CTBP2: variants seen among roughly 807,000 people sequenced by gnomAD.
CTBP2 encodes the protein C-terminal binding protein 2, also known as C-terminal-binding protein 2.
A neutral mutation model predicts 80.3 loss-of-function variants in CTBP2; 30 were observed. That is an observed-to-expected ratio of 0.37 (90% confidence interval 0.28 to 0.51). The LOEUF is 0.51. Among genes scored for constraint, CTBP2 ranks in the 20% least tolerant of loss-of-function variants. The probability of loss-of-function intolerance (pLI) is 0.93; values close to 1 mark genes in which losing one functional copy is unlikely to be tolerated. For missense variants in CTBP2, 1,212 were observed against 1,375.3 expected (o/e 0.88, Z 1.88); for synonymous variants, 594 against 587.4 (o/e 1.01, Z -0.16).
intron 2 of CTBP2, among the ~76,000 whole-genome samples, chr10:125,094,196 T>A (rs769790377): frequency 3.9e-5 from 6 of 152,174 alleles, no homozygotes; most frequent in Non-Finnish European, 8.8e-5. Flanking sequence ...CGGATCAGTC[T>A]CAGGGATGCT....
At chr10:125,104,895 C>T (rs1217578757) in intron 2 of CTBP2, among the ~76,000 whole-genome samples, 1 of 152,206 alleles carries the variant, frequency 6.6e-6, no homozygotes, top group African/African-American at 2.4e-5. Flanking sequence ...ACAGACAGCA[C>T]GTCCTTCTTT....
At chr10:125,121,544 T>TA (rs1055630817) in intron 1 of CTBP2, among the ~76,000 whole-genome samples, 3 of 152,268 alleles carry the variant, frequency 2.0e-5, no homozygotes, top group Admixed American at 6.5e-5. Flanking sequence ...CTCTGTACTT[T>TA]AAAAAATCCA....
At chr10:125,005,892 G>A in intron 1 of CTBP2, 4 of 1,524,802 alleles carry the variant, frequency 2.6e-6, no homozygotes, top group Non-Finnish European at 3.5e-6. Context: ...CGGAGAGAGT[G>A]CCTGATTATA....
At chr10:125,154,797 C>T (rs748238500) in intron 1 of CTBP2, among the ~76,000 whole-genome samples, 3 of 152,214 alleles carry the variant, frequency 2.0e-5, no homozygotes, top group Non-Finnish European at 4.4e-5. Context: ...TTTGGGACCT[C>T]GGCTCCCACG....
At chr10:125,005,770 A>G in intron 1 of CTBP2, 1 of 1,612,900 alleles carries the variant, frequency 6.2e-7, no homozygotes, top group Non-Finnish European at 8.5e-7. Flanking sequence ...TTGAGGTCTG[A>G]GCGCACAACC....
intron 2 of CTBP2, among the ~76,000 whole-genome samples, chr10:125,098,681 AGAG>A (rs1564913795): frequency 1.9e-4 from 26 of 134,682 alleles, no homozygotes; most frequent in African/African-American, 7.7e-4. Flanking sequence ...AGAGAGAGAG[AGAG>A]AGAGAGAGAG....
chr10:124,996,925 C>T (rs1038970512), intron 4 of CTBP2: 4 of 152,256 alleles, frequency 2.6e-5, no homozygotes, highest in East Asian at 1.9e-4. Flanking sequence ...AGGCGTCGGG[C>T]GAGGCCAGAC....
intron 1 of CTBP2, among the ~76,000 whole-genome samples, chr10:125,137,768 C>A (rs1857185661): frequency 6.6e-6 from 1 of 152,250 alleles, no homozygotes; most frequent in Non-Finnish European, 1.5e-5. Context: ...CTAGCAATCA[C>A]CTCCACCACG....
intron 2 of CTBP2, among the ~76,000 whole-genome samples, chr10:125,108,723 C>T (rs544172474): frequency 2.2e-3 from 112 of 49,882 alleles, no homozygotes; most frequent in African/African-American, 8.3e-3. Flanking sequence ...GTGGGCTGGG[C>T]GGGGAGCAGG....
At chr10:125,127,407 G>A (rs964684110) in intron 1 of CTBP2, among the ~76,000 whole-genome samples, 6 of 152,206 alleles carry the variant, frequency 3.9e-5, no homozygotes, top group Admixed American at 1.3e-4. Flanking sequence ...AGCCGTGCAC[G>A]TCAGTTCCTG....
intron 1 of CTBP2, among the ~76,000 whole-genome samples, chr10:125,117,897 T>C (rs1226039078): frequency 1.3e-5 from 2 of 152,222 alleles, no homozygotes; most frequent in African/African-American, 4.8e-5. Context: ...TATGACCCCC[T>C]GATGCCCAAG....
At chr10:125,000,425 A>C (rs1954299712) in intron 3 of CTBP2, 1 of 151,508 alleles carries the variant, frequency 6.6e-6, no homozygotes. Flanking sequence ...AAACGGCCCC[A>C]AAGAGGCAAG....
At chr10:125,145,774 G>A (rs1323594251) in intron 1 of CTBP2, among the ~76,000 whole-genome samples, 1 of 152,100 alleles carries the variant, frequency 6.6e-6, no homozygotes, top group Non-Finnish European at 1.5e-5. Context: ...CTTATTCATT[G>A]TGCACACTCT....
Position 125,012,633 on chromosome 10 carries a change from T to C in CTBP2, c.1679-9141A>G, listed in dbSNP as rs550750228. ...TGAGCCTCAGGGCATCGCCAAAGAC[T>C]AAAAATTGTTGTTGTTGTTGTTTTG... is the stretch of plus-strand genomic sequence containing the variant. On this transcript the variant is annotated intron_variant, in intron 1 of 8. Coordinates refer to ENST00000309035, the MANE Select transcript of CTBP2 (RefSeq NM_022802.3). 1.4e-4 allele frequency among the ~76,000 whole-genome samples: 21 copies of C among 152,258 alleles called. No homozygotes were observed. In the South Asian group the frequency reaches 4.2e-3, roughly 30 times the overall value.
chr10:125,060,603 A>G (rs1373557766), intron 2 of CTBP2, among the ~76,000 whole-genome samples: 2 of 152,202 alleles, frequency 1.3e-5, no homozygotes, highest in African/African-American at 2.4e-5. Flanking sequence ...CATCCCCAGC[A>G]GGGAACGTTC....
rs568384642 is a variant in CTBP2, at chr10:125,041,148, C to A, written c.-101-1993G>T. 3.3e-5 allele frequency among the ~76,000 whole-genome samples: 5 copies of A among 152,354 alleles called. No individual in the cohort carries two copies. In the East Asian group the frequency reaches 9.6e-4, roughly 29 times the overall value. On this transcript the variant is annotated intron_variant, in intron 2 of 10. Transcript: ENST00000337195. ...TCAGGCTGGAATGCAGGGGCAAGCT[C>A]ATGGCTCACTGCAGCCTCAACCTCC...
chr10:125,018,095 G>A (rs1324415872), intron 1 of CTBP2, among the ~76,000 whole-genome samples: 2 of 152,226 alleles, frequency 1.3e-5, no homozygotes, highest in Admixed American at 6.5e-5. Flanking sequence ...CTAATGCACC[G>A]TGCCTGAGGA....
chr10:125,023,118 C>T (rs761520390), intron 1 of CTBP2, among the ~76,000 whole-genome samples: 3 of 152,222 alleles, frequency 2.0e-5, no homozygotes, highest in Non-Finnish European at 4.4e-5. Flanking sequence ...CCACACAGAC[C>T]ACGCGCTCCT....
At chr10:125,156,503 T>C (rs948943853) in intron 1 of CTBP2, among the ~76,000 whole-genome samples, 9 of 152,228 alleles carry the variant, frequency 5.9e-5, no homozygotes, top group African/African-American at 2.2e-4. Context: ...GGCATTCTGG[T>C]GCTAGATCTC....
Sources: gnomAD v4.1 joint callset for allele counts (sites outside exome capture counted in the v4.1 genomes callset) on GRCh38, gnomAD v4.1.1 for gene constraint, MANE v1.5 for transcripts, NCBI Gene and HGNC (gene_info 2026-07-23, HGNC 2026-07-21) for gene names.